Variants in LRRFIP1 observed in about 807,000 individuals in gnomAD.
LRRFIP1 encodes leucine-rich repeat flightless-interacting protein 1.
In LRRFIP1, 62 loss-of-function variants were observed where a neutral mutation model predicts 104.4. That is an observed-to-expected ratio of 0.59 (90% confidence interval 0.48 to 0.73). The LOEUF (loss-of-function observed/expected upper bound fraction) is 0.73, where lower values mean the gene tolerates loss of function less well. Ranked by LOEUF, LRRFIP1 falls within the 30% of genes least tolerant of loss-of-function variation. The pLI is 0.00. For missense variants in LRRFIP1, 796 were observed against 824.5 expected, an observed-to-expected ratio of 0.97 and a Z score of 0.42; for synonymous variants, 300 against 299.0, an observed-to-expected ratio of 1.00 and a Z score of -0.03.
At chr2:237,720,933 C>T in intron 6 of LRRFIP1, 111 bp downstream of exon 6, 2 of 901,564 alleles carry the variant, frequency 2.2e-6, no homozygotes, top group Non-Finnish European at 3.7e-6. Context: ...GTCTGATAGT[C>T]AATATTTAAC....
chr2:237,744,956 T>G (rs1169235030), intron 11 of LRRFIP1, among the ~76,000 whole-genome samples: 1 of 152,218 alleles, frequency 6.6e-6, no homozygotes, highest in Non-Finnish European at 1.5e-5. Flanking sequence ...CATGCCCACC[T>G]CCTCCAGGCC....
chr2:237,726,693 C>T (rs1218640656), intron 7 of LRRFIP1, among the ~76,000 whole-genome samples: 11 of 152,178 alleles, frequency 7.2e-5, no homozygotes, highest in Admixed American at 3.9e-4. Flanking sequence ...GACCTGATGG[C>T]GTCTCCTTCC....
chr2:237,736,340 T>C (rs1172292435), intron 10 of LRRFIP1, among the ~76,000 whole-genome samples: 1 of 152,248 alleles, frequency 6.6e-6, no homozygotes, highest in Non-Finnish European at 1.5e-5. Context: ...TAACATATTT[T>C]TCCCAGTTGG....
At chr2:237,759,045 A>G (rs2150799618) in intron 18 of LRRFIP1, among the ~76,000 whole-genome samples, 1 of 152,334 alleles carries the variant, frequency 6.6e-6, no homozygotes, top group Non-Finnish European at 1.5e-5. Context: ...AACATAGCCA[A>G]TCTTGAATGC....
chr2:237,683,075 C>T (rs1476675754), intron 1 of LRRFIP1, among the ~76,000 whole-genome samples: 1 of 152,228 alleles, frequency 6.6e-6, no homozygotes, highest in Non-Finnish European at 1.5e-5. Context: ...CTGCAATGCA[C>T]AGGACAGCCG....
chr2:237,627,719 G>A lies in LRRFIP1; in HGVS notation c.75G>A (p.Ala25=). The A allele has an allele frequency of 1.6e-5, 21 of 1,349,206 alleles. No individual in the cohort carries two copies. The highest frequency in any genetic ancestry group is 3.4e-5 in the East Asian group (1 of 29,526). The allele number at this position is 1,349,206 out of a possible 1,614,324, so 83.6% of individuals were successfully genotyped here. A position where few individuals can be genotyped will look rare whatever the true frequency, so the allele number is the denominator to read the frequency against. ...AGCGGCTCACGGCGGAGGACGACGC[G>A]CTCAACCAGATCGCGCGGGAGGTGA... ...NRERLTAEDD[A]LNQIAREAEA... is the part of the protein sequence containing the mutation. The change falls in exon 1 of 24, where the codon GCG becomes GCA. Residue 25 remains alanine (A), a synonymous_variant. Coordinates refer to ENST00000308482, the MANE Select transcript of LRRFIP1 (RefSeq NM_001137550.2).
intron 20 of LRRFIP1, among the ~76,000 whole-genome samples, chr2:237,771,156 A>T (rs1227333838): frequency 6.6e-6 from 1 of 152,150 alleles, no homozygotes; most frequent in African/African-American, 2.4e-5. Context: ...GAAGTTAAAC[A>T]TGAAAAGCCC....
intron 19 of LRRFIP1, chr2:237,765,131 T>G (rs1322068163): frequency 4.2e-6 from 1 of 235,614 alleles, no homozygotes; most frequent in African/African-American, 2.3e-5. Context: ...GGCGTGATGG[T>G]GGGCGCCTGT....
chr2:237,708,372 T>TA (rs1251570301), intron 1 of LRRFIP1, among the ~76,000 whole-genome samples, 172 bp from the exon 2 acceptor site: 1 of 152,226 alleles, frequency 6.6e-6, no homozygotes, highest in East Asian at 1.9e-4. Context: ...TAGCAGTTCT[T>TA]ATAACTATTT....
intron 1 of LRRFIP1, among the ~76,000 whole-genome samples, chr2:237,633,387 G>A (rs1334177498): frequency 6.6e-6 from 1 of 152,172 alleles, no homozygotes; most frequent in Non-Finnish European, 1.5e-5. Flanking sequence ...CTGTGGACAG[G>A]CCTGCTGGTC....
intron 19 of LRRFIP1, chr2:237,764,446 A>G (rs2060135627): frequency 1.1e-5 from 14 of 1,275,844 alleles, no homozygotes; most frequent in Non-Finnish European, 1.4e-5. Context: ...GGCATTTACT[A>G]TTTGCCTTAG....
chr2:237,729,850 T>A, intron 8 of LRRFIP1: 1 of 984,216 alleles, frequency 1.0e-6, no homozygotes, highest in South Asian at 4.7e-5. Flanking sequence ...TTGGTTGGTT[T>A]CCATTTAAAT....
chr2:237,707,090 T>C lies in LRRFIP1; in HGVS notation c.97-1454T>C, dbSNP rs528780357. Among the ~76,000 whole-genome samples, 12 of 152,220 alleles carry C rather than the reference T, an allele frequency of 7.9e-5. No individual in the cohort carries two copies. The East Asian group carries it at 2.3e-3, about 29-fold the overall frequency. On this transcript the variant is annotated intron_variant, in intron 1 of 23. Coordinates refer to ENST00000308482, the MANE Select transcript of LRRFIP1 (RefSeq NM_001137550.2). ...CCAAGCGAATAGAACAAATTCCTCA[T>C]GAGGACACAACCAGGCAACCTCAAG...
At chr2:237,665,385 C>A (rs2089012919) in intron 1 of LRRFIP1, among the ~76,000 whole-genome samples, 1 of 152,146 alleles carries the variant, frequency 6.6e-6, no homozygotes, top group Non-Finnish European at 1.5e-5. Flanking sequence ...ATCTGTGAAA[C>A]AGGTATCTCA....
intron 1 of LRRFIP1, among the ~76,000 whole-genome samples, chr2:237,707,973 G>C (rs2093896089): frequency 6.6e-6 from 1 of 152,196 alleles, no homozygotes; most frequent in Non-Finnish European, 1.5e-5. Flanking sequence ...GAAGTGACTG[G>C]ACAGCAGTTC....
chr2:237,709,835 T>G (rs1486273612), intron 2 of LRRFIP1, among the ~76,000 whole-genome samples: 1 of 152,146 alleles, frequency 6.6e-6, no homozygotes, highest in Non-Finnish European at 1.5e-5. Flanking sequence ...TGAACTGGTT[T>G]TTAAATATGT....
At chr2:237,686,668 T>A (rs569703440) in intron 1 of LRRFIP1, among the ~76,000 whole-genome samples, 1 of 152,376 alleles carries the variant, frequency 6.6e-6, no homozygotes, top group African/African-American at 2.4e-5. Flanking sequence ...TGCTGCCATA[T>A]GTAAGCCCGG....
intron 2 of LRRFIP1, among the ~76,000 whole-genome samples, chr2:237,710,217 T>A (rs777997239): frequency 2.0e-5 from 3 of 152,210 alleles, no homozygotes; most frequent in Non-Finnish European, 2.9e-5. Context: ...CTGCCCAGTA[T>A]CAGTGTCTCT....
At position 237,661,768 on chromosome 2, in the gene LRRFIP1, C is replaced by T. The variant is rs2088020130; in HGVS notation, c.96+34028C>T. ...GGGACAGCTCCAGGAAGAGAGAGGGCACTGTTTTCCTGTTTCCTGAGTCAA... is the reference window on the plus strand; with the variant it reads ...GGGACAGCTCCAGGAAGAGAGAGGGTACTGTTTTCCTGTTTCCTGAGTCAA... On this transcript the variant is annotated intron_variant, in intron 1 of 23. Coordinates refer to ENST00000308482, the MANE Select transcript of LRRFIP1 (RefSeq NM_001137550.2). This position sits in a 1 kb window ranked among gnomAD's most constrained non-coding sequence, Gnocchi z 4.4. Among the ~76,000 whole-genome samples, 1 of 152,182 alleles carries T rather than the reference C, an allele frequency of 6.6e-6. No individual in the cohort carries two copies. The highest frequency in any genetic ancestry group is 2.1e-4 in the South Asian group (1 of 4,828).
Sources: gnomAD v4.1 joint callset for allele counts (sites outside exome capture counted in the v4.1 genomes callset) on GRCh38, gnomAD v4.1.1 for gene constraint, Gnocchi (gnomAD v3.1) non-coding constraint, MANE v1.5 for transcripts, NCBI Gene and HGNC (gene_info 2026-07-23, HGNC 2026-07-21) for gene names.